Variants in TUBGCP4 observed in about 807,000 individuals in gnomAD.
The protein encoded by TUBGCP4 is gamma-tubulin complex component 4.
In TUBGCP4, 54 loss-of-function variants were observed where a neutral mutation model predicts 91.6. That is an observed-to-expected ratio of 0.59 (90% CI 0.47 to 0.74). The LOEUF (loss-of-function observed/expected upper bound fraction) is 0.74. Ranked by LOEUF, TUBGCP4 falls within the 30% of genes least tolerant of loss-of-function variation. The probability of loss-of-function intolerance (pLI) is 0.00; values close to 1 mark genes in which losing one functional copy is unlikely to be tolerated. For synonymous variants in TUBGCP4, 297 were observed against 302.8 expected, an observed-to-expected ratio of 0.98 and a Z score of 0.20; for missense variants, 593 against 800.9, an observed-to-expected ratio of 0.74 and a Z score of 3.13.
In TUBGCP4 at chr15:43,405,449, T is replaced by G; in HGVS notation, c.*235T>G. 1 of 580,386 alleles carries G rather than the reference T, an allele frequency of 1.7e-6. No homozygotes were observed. The highest frequency in any genetic ancestry group is 2.2e-5 in the South Asian group (1 of 45,498). 36.0% of individuals were successfully genotyped at this position (580,386 alleles called of 1,614,324 possible). ...CATGTGGCATCTCTGATCCTTTACA[T>G]TGAGAACATTTGTTGGATATGTTCA... is the stretch of plus-strand genomic sequence containing the variant. On this transcript the variant is annotated 3_prime_UTR_variant, in exon 18 of 18. Coordinates refer to ENST00000564079, the MANE Select transcript of TUBGCP4 (RefSeq NM_014444.5).
In TUBGCP4 at chr15:43,408,112, C is replaced by T. The variant is rs779424036; in HGVS notation, c.*2898C>T. The T allele has an allele frequency of 1.9e-6, 3 of 1,608,402 alleles. No homozygotes were observed. The highest frequency in any genetic ancestry group is 8.5e-7 in the Non-Finnish European group (1 of 1,177,286). ...GCCTATGAAGGAGACAGGAAAGGAC[C>T]TTAGCATGACAAGTAATATCCAACA... On this transcript the variant is annotated 3_prime_UTR_variant, in exon 18 of 18. Coordinates refer to ENST00000564079, the MANE Select transcript of TUBGCP4 (RefSeq NM_014444.5).
chr15:43,403,733 G>A lies in TUBGCP4; in HGVS notation c.1782G>A (p.Ser594=), dbSNP rs753427016. 9.3e-6 allele frequency: 15 copies of A among 1,613,242 alleles called. No homozygotes were observed. Among genetic ancestry groups the A allele is most frequent in the South Asian group, 7.7e-5 (7 of 90,994 alleles). Residue 594 remains serine, a synonymous_variant, in exon 16 of 18, where the codon TCG becomes TCA. Transcript: ENST00000564079. The stretch of plus-strand genomic sequence containing the variant: ...TAGATCTCTGTCACAGTTTTTGTTC[G>A]CTGGTCAGTCAGAACCTAGGCCCAC... ...EILDLCHSFC[S]LVSQNLGPLD...
intron 12 of TUBGCP4, 85 bp downstream of exon 12, chr15:43,397,406 A>G: frequency 9.8e-7 from 1 of 1,017,452 alleles, no homozygotes; most frequent in Non-Finnish European, 1.6e-6. Context: ...CGCCACAGAA[A>G]CCATATGATT....
At chr15:43,377,611 C>CAAAAAAAA (rs60932318) in intron 4 of TUBGCP4, 5 of 259,634 alleles carry the variant, frequency 1.9e-5, no homozygotes, top group South Asian at 7.8e-5. Flanking sequence ...GACCCTGTCT[C>CAAAAAAAA]AAAAAAAAAA....
At chr15:43,371,584 G>T in intron 1 of TUBGCP4, 152 bp downstream of exon 1, 1 of 765,628 alleles carries the variant, frequency 1.3e-6, no homozygotes, top group Non-Finnish European at 2.1e-6. Flanking sequence ...GCCCCTTAGG[G>T]TCAAGGCTGA....
chr15:43,397,497 G>C (rs1390824059), intron 12 of TUBGCP4, among the ~76,000 whole-genome samples, 176 bp downstream of exon 12: 2 of 152,106 alleles, frequency 1.3e-5, no homozygotes, highest in African/African-American at 4.8e-5. Context: ...GAGAGGCTAA[G>C]TGAGATGCCC....
chr15:43,404,121 G>T, intron 16 of TUBGCP4: 1 of 508,558 alleles, frequency 2.0e-6, no homozygotes, highest in South Asian at 2.9e-5. Flanking sequence ...ATAATTATCT[G>T]CTTGTAATCA....
At chr15:43,376,901 A>G (rs2044213827) in intron 3 of TUBGCP4, 113 bp from the exon 4 acceptor site, 1 of 1,023,678 alleles carries the variant, frequency 9.8e-7, no homozygotes, top group Non-Finnish European at 1.5e-6. Context: ...TCAGTTCTCG[A>G]TAGCCTAAAA....
intron 1 of TUBGCP4, among the ~76,000 whole-genome samples, chr15:43,374,695 A>G (rs751525204): frequency 2.6e-5 from 4 of 152,200 alleles, no homozygotes; most frequent in African/African-American, 4.8e-5. Flanking sequence ...GAAAGCAGGA[A>G]CCCAACAGAT....
At chr15:43,394,966 T>C (rs2044556576) in intron 9 of TUBGCP4, 141 bp from the exon 10 acceptor site, 1 of 816,810 alleles carries the variant, frequency 1.2e-6, no homozygotes, top group Middle Eastern at 2.7e-4. Context: ...GAATAATACA[T>C]TGATTGTTTT....
At chr15:43,397,107 T>C in intron 11 of TUBGCP4, 107 bp from the exon 12 acceptor site, 1 of 785,688 alleles carries the variant, frequency 1.3e-6, no homozygotes, top group Non-Finnish European at 2.3e-6. Context: ...GTCCACTGTG[T>C]CCTGCTGTTA....
At position 43,386,345 on chromosome 15, in the gene TUBGCP4, G is replaced by GTATA. The variant is rs542775386; in HGVS notation, c.1014+45_1014+48dup. 4.0e-4 allele frequency: 128 copies of GTATA among 317,626 alleles called. 2 individuals carry two copies. The highest frequency in any genetic ancestry group is 5.8e-4 in the East Asian group (7 of 12,096). The allele number at this position is 317,626 out of a possible 1,614,324, so 19.7% of individuals were successfully genotyped here. A position where few individuals can be genotyped will look rare whatever the true frequency, so the allele number is the denominator to read the frequency against. ...CTGTGGCTGAGGTTTGTGTTTCATC[G>GTATA]TATATATATATATATATATATATAT... is the stretch of plus-strand genomic sequence containing the variant. On this transcript the variant is annotated intron_variant, in intron 9 of 17. Transcript: ENST00000564079.
chr15:43,371,707 T>C (rs2044126031), intron 1 of TUBGCP4, among the ~76,000 whole-genome samples: 1 of 152,166 alleles, frequency 6.6e-6, no homozygotes, highest in African/African-American at 2.4e-5. Context: ...TGACAGTTGC[T>C]GGGGAATGAT....
chr15:43,393,838 A>G (rs372557626), intron 9 of TUBGCP4, among the ~76,000 whole-genome samples: 1 of 152,090 alleles, frequency 6.6e-6, no homozygotes, highest in Non-Finnish European at 1.5e-5. Flanking sequence ...ACGATTAACA[A>G]AATGTGGTTT....
rs559939215 is a variant in TUBGCP4 at position 43,381,369 on chromosome 15, GTAATTTCTTTTTCTCCCAACCTTT to G, written c.521+1209_521+1232del. On this transcript the variant is annotated intron_variant, in intron 6 of 17. Coordinates refer to ENST00000564079, the MANE Select transcript of TUBGCP4 (RefSeq NM_014444.5). ...AGTTAAATAACACAGTCAAGTTCTT[GTAATTTCTTTTTCTCCCAACCTTT>G]TATTTTGAAAAATTTTAAACCTACA... 8.5e-5 allele frequency among the ~76,000 whole-genome samples: 13 copies of G among 152,212 alleles called. No homozygotes were observed. The East Asian group carries it at 2.3e-3, about 27-fold the overall frequency.
In TUBGCP4 at chr15:43,386,186, G is replaced by T; in HGVS notation, c.890-20G>T. On this transcript the variant is annotated intron_variant, in intron 8 of 17. Transcript: ENST00000564079. ...TGGGTATTCTCCGTCCTCCTTTGACGGTGTCTTCCTATTTTGCAGGATCCA... is the reference window on the plus strand; with the variant it reads ...TGGGTATTCTCCGTCCTCCTTTGACTGTGTCTTCCTATTTTGCAGGATCCA... The T allele has an allele frequency of 6.3e-7, 1 of 1,596,040 alleles. No individual in the cohort carries two copies. The highest frequency in any genetic ancestry group is 8.5e-7 in the Non-Finnish European group (1 of 1,172,184).
At chr15:43,383,275 T>TGTAA in intron 6 of TUBGCP4, 28 bp from the exon 7 acceptor site, 1 of 1,599,338 alleles carries the variant, frequency 6.3e-7, no homozygotes, top group Non-Finnish European at 8.5e-7. Context: ...GCATGACTTC[T>TGTAA]GAGCCTCTTA....
intron 1 of TUBGCP4, among the ~76,000 whole-genome samples, chr15:43,373,137 A>G (rs2044149920): frequency 6.6e-6 from 1 of 152,216 alleles, no homozygotes; most frequent in Admixed American, 6.5e-5. Flanking sequence ...TAAGCTAGGT[A>G]TAAACTCAAG....
rs1436601448 is a variant in TUBGCP4, at chr15:43,408,480, TA to T, written c.*3272del. ...TAGGTGACAGAGCAAGACTTCATCTTAAAAAACTAAGCCCTATATTAGGGTC... is the reference window on the plus strand; with the variant it reads ...TAGGTGACAGAGCAAGACTTCATCTTAAAAACTAAGCCCTATATTAGGGTC... On this transcript the variant is annotated 3_prime_UTR_variant, in exon 18 of 18. Coordinates refer to ENST00000564079, the MANE Select transcript of TUBGCP4 (RefSeq NM_014444.5). 2.3e-5 allele frequency: 6 copies of T among 259,820 alleles called. No individual in the cohort carries two copies. Among genetic ancestry groups the T allele is most frequent in the Non-Finnish European group, 4.5e-5 (6 of 133,818 alleles). 16.1% of individuals were successfully genotyped at this position (259,820 alleles called of 1,614,324 possible). A position where few individuals can be genotyped will look rare whatever the true frequency, so the allele number is the denominator to read the frequency against.
Sources: allele counts gnomAD v4.1 joint callset (sites outside exome capture counted in the v4.1 genomes callset), GRCh38; gene constraint gnomAD v4.1.1; transcripts MANE v1.5; gene names NCBI Gene and HGNC (gene_info 2026-07-23, HGNC 2026-07-21).